NDST4: variants seen among roughly 807,000 people sequenced by gnomAD.
NDST4 encodes the protein N-deacetylase and N-sulfotransferase 4, also known as N-heparan sulfate sulfotransferase 4.
Under a neutral mutation model 100.8 loss-of-function variants are expected in NDST4, and 63 were observed. The ratio of observed to expected loss-of-function variants is 0.62; its 90% CI spans 0.51 to 0.77. The LOEUF is 0.77. Ranked by LOEUF, NDST4 falls within the 30% of genes least tolerant of loss-of-function variation. The pLI is 0.00. For synonymous variants in NDST4, 377 were observed against 361.8 expected, an observed-to-expected ratio of 1.04 and a Z score of -0.48; for missense variants, 943 against 1,018.4, an observed-to-expected ratio of 0.93 and a Z score of 1.01.
At chr4:115,109,944 G>A (rs950110498) in intron 1 of NDST4, among the ~76,000 whole-genome samples, 3 of 151,898 alleles carry the variant, frequency 2.0e-5, no homozygotes, top group African/African-American at 7.2e-5. Context: ...CTGTTGGAAT[G>A]AAGAGTAATT....
At chr4:114,838,410 G>T (rs1468707112) in intron 11 of NDST4, among the ~76,000 whole-genome samples, 1 of 152,092 alleles carries the variant, frequency 6.6e-6, no homozygotes, top group South Asian at 2.1e-4. Flanking sequence ...CAAAGACTTG[G>T]AACCAGCCCA....
At chr4:114,874,635 T>C (rs971378232) in intron 6 of NDST4, among the ~76,000 whole-genome samples, 13 of 152,194 alleles carry the variant, frequency 8.5e-5, no homozygotes, top group Non-Finnish European at 1.6e-4. Context: ...TCACCTATTG[T>C]GCAGACACAG....
intron 6 of NDST4, among the ~76,000 whole-genome samples, chr4:114,931,236 G>A (rs1725506728): frequency 1.3e-5 from 2 of 151,380 alleles, no homozygotes; most frequent in South Asian, 2.1e-4. Context: ...TTAAACACAC[G>A]CTTCTTAAAA....
At chr4:114,941,293 T>C (rs556907821) in intron 4 of NDST4, among the ~76,000 whole-genome samples, 37 of 152,292 alleles carry the variant, frequency 2.4e-4, no homozygotes, top group African/African-American at 8.9e-4. Context: ...AGATTCATCA[T>C]CTTTGCTCTT....
chr4:114,947,791 T>C (rs932753545), intron 4 of NDST4, among the ~76,000 whole-genome samples: 1 of 152,154 alleles, frequency 6.6e-6, no homozygotes, highest in African/African-American at 2.4e-5. Context: ...TTTCTCTTCA[T>C]TCTTAGTACC....
At chr4:114,902,193 T>C (rs757074879) in intron 6 of NDST4, among the ~76,000 whole-genome samples, 9 of 152,078 alleles carry the variant, frequency 5.9e-5, no homozygotes, top group Non-Finnish European at 1.0e-4. Flanking sequence ...CATTTCTTTA[T>C]GTAGAATCAA....
rs550141866 is a variant in NDST4, at chr4:114,952,632, C to A, written c.1222-15129G>T. On this transcript the variant is annotated intron_variant, in intron 4 of 13. Coordinates refer to ENST00000264363, the MANE Select transcript of NDST4 (RefSeq NM_022569.3). Reference sequence around the variant, plus strand: ...TTGCAAGCAAAAAGTTCATGCTATCCTTTATGTTGTAAGTTTGGTGAAAAT... The same window carrying A: ...TTGCAAGCAAAAAGTTCATGCTATCATTTATGTTGTAAGTTTGGTGAAAAT... Among the ~76,000 whole-genome samples, 3 of 152,176 alleles carry A rather than the reference C, an allele frequency of 2.0e-5. No homozygotes were observed. In the South Asian group the frequency reaches 6.2e-4, roughly 32 times the overall value.
intron 2 of NDST4, among the ~76,000 whole-genome samples, chr4:115,012,667 G>C (rs1201368210): frequency 6.6e-6 from 1 of 151,950 alleles, no homozygotes; most frequent in African/African-American, 2.4e-5. Flanking sequence ...ACTACCATAT[G>C]ATCCAGAAAT....
intron 2 of NDST4, among the ~76,000 whole-genome samples, chr4:115,001,837 C>A (rs981393915): frequency 6.6e-6 from 1 of 152,064 alleles, no homozygotes; most frequent in Admixed American, 6.6e-5. Context: ...TTTTCATATT[C>A]ACTGTGTGCA....
At chr4:115,069,261 C>A (rs948605299) in intron 2 of NDST4, among the ~76,000 whole-genome samples, 1 of 152,134 alleles carries the variant, frequency 6.6e-6, no homozygotes, top group African/African-American at 2.4e-5. Context: ...TAACAAAAAA[C>A]AGTGCATATT....
At chr4:114,863,715 CA>C (rs1464320439) in intron 7 of NDST4, among the ~76,000 whole-genome samples, 4 of 152,184 alleles carry the variant, frequency 2.6e-5, no homozygotes, top group African/African-American at 9.6e-5. Flanking sequence ...AGTGAAAGTA[CA>C]TGTAACTCAG....
chr4:114,881,522 A>G (rs527871470), intron 6 of NDST4, among the ~76,000 whole-genome samples: 1 of 152,122 alleles, frequency 6.6e-6, no homozygotes, highest in Admixed American at 6.6e-5. Flanking sequence ...CCACACAGCG[A>G]GCTAACAAGA....
chr4:114,966,094 C>T (rs1444116702), intron 4 of NDST4, among the ~76,000 whole-genome samples: 1 of 151,946 alleles, frequency 6.6e-6, no homozygotes, highest in Non-Finnish European at 1.5e-5. Flanking sequence ...TTGTAACTGC[C>T]ATATTTCGGT....
chr4:114,874,749 T>C (rs929788923), intron 6 of NDST4, among the ~76,000 whole-genome samples: 6 of 152,176 alleles, frequency 3.9e-5, no homozygotes, highest in African/African-American at 1.4e-4. Flanking sequence ...ATGGATGTTG[T>C]TGAGGTATAA....
At chr4:115,058,063 C>A (rs781169976) in intron 2 of NDST4, among the ~76,000 whole-genome samples, 1 of 152,042 alleles carries the variant, frequency 6.6e-6, no homozygotes, top group Admixed American at 6.6e-5. Flanking sequence ...ATTTATTTCA[C>A]GTTCTGTTAA....
At position 115,075,013 on chromosome 4, in the gene NDST4, T is replaced by A. The variant is rs187058668; in HGVS notation, c.978+1046A>T. Among the ~76,000 whole-genome samples the A allele has an allele frequency of 9.7e-4, 147 of 152,260 alleles. 1 individual carries two copies. The highest frequency in any genetic ancestry group is 1.0e-3 in the Non-Finnish European group (71 of 68,004). ...TTTAAAAGATGATTATCTTTAGAAT[T>A]GTGCACCTAATCTAGTGTAACATAT... On this transcript the variant is annotated intron_variant, in intron 2 of 13. Transcript: ENST00000264363.
At chr4:114,967,771 T>C (rs563736414) in intron 4 of NDST4, among the ~76,000 whole-genome samples, 337 of 152,218 alleles carry the variant, frequency 2.2e-3, no homozygotes, top group Non-Finnish European at 4.0e-3. Context: ...TGACCCCTTG[T>C]AAATCCATAT....
At chr4:114,970,370 C>T in intron 4 of NDST4, 60 bp downstream of exon 4, 1 of 1,457,892 alleles carries the variant, frequency 6.9e-7, no homozygotes, top group Admixed American at 1.9e-5. Flanking sequence ...ATTAATTTTA[C>T]ACTTCCACCA....
At chr4:114,999,375 G>A (rs1241024268) in intron 2 of NDST4, among the ~76,000 whole-genome samples, 2 of 152,020 alleles carry the variant, frequency 1.3e-5, no homozygotes, top group Non-Finnish European at 2.9e-5. Flanking sequence ...TTTGTAAAAT[G>A]AAACTAATAC....
Sources: allele counts gnomAD v4.1 joint callset (sites outside exome capture counted in the v4.1 genomes callset), GRCh38; gene constraint gnomAD v4.1.1; transcripts MANE v1.5; gene names NCBI Gene and HGNC (gene_info 2026-07-23, HGNC 2026-07-21).